B3GALNT2: variants seen among roughly 807,000 people sequenced by gnomAD.
The protein encoded by B3GALNT2 is beta-1,3-N-acetylgalactosaminyltransferase 2.
B3GALNT2 carries 53 observed loss-of-function variants against 61.1 expected under a neutral mutation model. That is an observed-to-expected ratio of 0.87 (90% CI 0.70 to 1.09). The LOEUF is 1.09. Among genes scored for constraint, B3GALNT2 ranks in the 50% least tolerant of loss-of-function variants. The pLI is 0.00. For synonymous variants in B3GALNT2, 223 were observed against 237.4 expected (o/e 0.94, Z 0.56); for missense variants, 544 against 623.0 (o/e 0.87, Z 1.35).
At position 235,448,738 on chromosome 1, in the gene B3GALNT2, A is replaced by G; in HGVS notation, c.*1468T>C. The G allele has an allele frequency of 1.2e-6, 2 of 1,613,844 alleles. No homozygotes were observed. Among genetic ancestry groups the G allele is most frequent in the South Asian group, 1.1e-5 (1 of 91,070 alleles). On this transcript the variant is annotated 3_prime_UTR_variant, in exon 12 of 12. Transcript: ENST00000366600. ...TACAGTTTTATTCTGTGGAAAATGG[A>G]GATTGTCTATTAGTGCGATGGTGAC...
Position 235,448,919 on chromosome 1 carries a change from A to C in B3GALNT2, c.*1287T>G. ...ATGTATTTTTTGTTGGGAAGTGACC[A>C]TTTCTAGGCTTATACATAATAGCAA... On this transcript the variant is annotated 3_prime_UTR_variant, in exon 12 of 12. Transcript: ENST00000366600. 1.5e-6 allele frequency: 1 copy of C among 649,402 alleles called. No homozygotes were observed. Among genetic ancestry groups the C allele is most frequent in the Admixed American group, 2.2e-5 (1 of 44,748 alleles). The allele number at this position is 649,402 out of a possible 1,614,324, so 40.2% of individuals were successfully genotyped here.
In B3GALNT2 at chr1:235,448,195, C is replaced by A. The variant is rs1048057256; in HGVS notation, c.*2011G>T. 2.4e-5 allele frequency among the ~76,000 whole-genome samples: 3 copies of A among 126,240 alleles called. No homozygotes were observed. The highest frequency in any genetic ancestry group is 4.7e-5 in the Non-Finnish European group (3 of 63,642). 82.8% of individuals were successfully genotyped at this position (126,240 alleles called of 152,430 possible). A position where few individuals can be genotyped will look rare whatever the true frequency, so the allele number is the denominator to read the frequency against. ...AGCCTGGGCGACAGAGCAAGACTTACTTAAGTAAGTAAGTAAGTCAGTCTC... is the reference window on the plus strand; with the variant it reads ...AGCCTGGGCGACAGAGCAAGACTTAATTAAGTAAGTAAGTAAGTCAGTCTC... On this transcript the variant is annotated 3_prime_UTR_variant, in exon 12 of 12. Coordinates refer to ENST00000366600, the MANE Select transcript of B3GALNT2 (RefSeq NM_152490.5).
At chr1:235,461,253 A>T (rs1342847870) in intron 7 of B3GALNT2, among the ~76,000 whole-genome samples, 1 of 152,122 alleles carries the variant, frequency 6.6e-6, no homozygotes, top group African/African-American at 2.4e-5. Context: ...TTGTCTCTAG[A>T]CCACAGCAGT....
chr1:235,479,895 G>C lies in B3GALNT2; in HGVS notation c.651+159C>G, dbSNP rs892742151. 5.5e-6 allele frequency: 7 copies of C among 1,267,744 alleles called. No homozygotes were observed. The South Asian group carries it at 1.3e-4, about 23-fold the overall frequency. 78.5% of individuals were successfully genotyped at this position (1,267,744 alleles called of 1,614,324 possible). A position where few individuals can be genotyped will look rare whatever the true frequency, so the allele number is the denominator to read the frequency against. The stretch of plus-strand genomic sequence containing the variant: ...GAAGTCCTCAGGAGGTTTGAATACA[G>C]AGTGCTATGTTTTAGCCCATCCACA... On this transcript the variant is annotated intron_variant, in intron 5 of 11. Transcript: ENST00000366600.
chr1:235,450,839 G>A (rs1682853708), intron 11 of B3GALNT2: 1 of 153,092 alleles, frequency 6.5e-6, no homozygotes, highest in Non-Finnish European at 1.5e-5. Flanking sequence ...AGGTCACAGG[G>A]CTGGTAAATG....
At position 235,498,327 on chromosome 1, in the gene B3GALNT2, G is replaced by A. The variant is rs1685422477; in HGVS notation, c.113-3499C>T. On this transcript the variant is annotated intron_variant, in intron 1 of 11. Coordinates refer to ENST00000366600, the MANE Select transcript of B3GALNT2 (RefSeq NM_152490.5). ...CAGAGGGAAAAAAAGAAAGTGGTAA[G>A]AAGTAAACATGATACAGAAGGACAT... Among the ~76,000 whole-genome samples, 3 of 152,114 alleles carry A rather than the reference G, an allele frequency of 2.0e-5. No homozygotes were observed. In the South Asian group the frequency reaches 6.2e-4, roughly 32 times the overall value.
intron 4 of B3GALNT2, among the ~76,000 whole-genome samples, chr1:235,483,374 A>G (rs1298349322): frequency 6.6e-6 from 1 of 152,216 alleles, no homozygotes; most frequent in Non-Finnish European, 1.5e-5. Context: ...AAAATCCCCC[A>G]AATTTGGTAA....
downstream of B3GALNT2, among the ~76,000 whole-genome samples, chr1:235,443,209 C>CA (rs1189572132): frequency 6.6e-6 from 1 of 151,516 alleles, no homozygotes; most frequent in Non-Finnish European, 1.5e-5. Context: ...CACACACACA[C>CA]AATTTTTTTT....
chr1:235,442,338 T>C (rs1681949416), downstream of B3GALNT2, among the ~76,000 whole-genome samples: 2 of 152,128 alleles, frequency 1.3e-5, no homozygotes, highest in South Asian at 4.1e-4. Context: ...ACCCAGTTAA[T>C]TTTGTATTTT....
At chr1:235,467,576 G>A (rs779699120) in intron 6 of B3GALNT2, among the ~76,000 whole-genome samples, 5 of 141,146 alleles carry the variant, frequency 3.5e-5, no homozygotes, top group East Asian at 2.2e-4. Flanking sequence ...CATCTGCCTC[G>A]GGGGTTCAAG....
At chr1:235,480,497 G>A (rs889725286) in intron 4 of B3GALNT2, among the ~76,000 whole-genome samples, 1 of 151,906 alleles carries the variant, frequency 6.6e-6, no homozygotes, top group Non-Finnish European at 1.5e-5. Flanking sequence ...TCCCCCAAAG[G>A]GTTAAAACTA....
At chr1:235,469,859 G>A (rs765418825) in intron 6 of B3GALNT2, among the ~76,000 whole-genome samples, 6 of 151,530 alleles carry the variant, frequency 4.0e-5, no homozygotes, top group Admixed American at 3.3e-4. Context: ...AGCACACCCC[G>A]CCTTATTTTC....
At chr1:235,467,280 A>C (rs568473279) in intron 6 of B3GALNT2, among the ~76,000 whole-genome samples, 3 of 152,004 alleles carry the variant, frequency 2.0e-5, no homozygotes, top group Non-Finnish European at 4.4e-5. Flanking sequence ...ACCTGGGAGA[A>C]GGAGATTGCA....
At chr1:235,480,528 T>C (rs1352453222) in intron 4 of B3GALNT2, among the ~76,000 whole-genome samples, 3 of 152,110 alleles carry the variant, frequency 2.0e-5, no homozygotes, top group Non-Finnish European at 4.4e-5. Context: ...CACAGATTTT[T>C]ACTGGGAACA....
rs2102815692 is a variant in B3GALNT2 at position 235,471,022 on chromosome 1, T to C, written c.652-62A>G. The C allele has an allele frequency of 3.2e-6, 5 of 1,575,496 alleles. No homozygotes were observed. The South Asian group carries it at 5.8e-5, about 18-fold the overall frequency. ...ATTGCTGTCATTTAGGTTTTAAGTATGCTTTCAGGCAAGATTTTTAGAGAA... is the reference window on the plus strand; with the variant it reads ...ATTGCTGTCATTTAGGTTTTAAGTACGCTTTCAGGCAAGATTTTTAGAGAA... On this transcript the variant is annotated intron_variant, in intron 5 of 11. Transcript: ENST00000366600.
chr1:235,441,756 T>TTTTTATA, the B3GALNT2 span: 1 of 1,511,420 alleles, frequency 6.6e-7, no homozygotes, highest in African/African-American at 1.4e-5. Context: ...TTGTTTGTTT[T>TTTTTATA]GTTTTTACTT....
intron 10 of B3GALNT2, 110 bp from the exon 11 acceptor site, chr1:235,453,256 G>A: frequency 9.0e-7 from 1 of 1,107,568 alleles, no homozygotes; most frequent in Admixed American, 2.1e-5. Context: ...TTTTTGCTCT[G>A]TTATTATTCT....
intron 8 of B3GALNT2, among the ~76,000 whole-genome samples, chr1:235,456,296 T>C (rs1287879435): frequency 6.6e-6 from 1 of 152,216 alleles, no homozygotes; most frequent in East Asian, 1.9e-4. Flanking sequence ...TATATAATCA[T>C]GACTAAAGAC....
chr1:235,488,725 G>T lies in B3GALNT2; in HGVS notation c.361+443C>A, dbSNP rs1169026428. Among the ~76,000 whole-genome samples, 396 of 113,950 alleles carry T rather than the reference G, an allele frequency of 3.5e-3. 11 individuals are homozygous for T. The highest frequency in any genetic ancestry group is 0.013 in the African/African-American group (377 of 29,578). The allele number at this position is 113,950 out of a possible 152,430, so 74.8% of individuals were successfully genotyped here. Reference sequence around the variant, plus strand: ...AAAAAAAAAAAAAAAAAAAAAAGATGAGACATAAATTTGGATGAAAGACAT... The same window carrying T: ...AAAAAAAAAAAAAAAAAAAAAAGATTAGACATAAATTTGGATGAAAGACAT... On this transcript the variant is annotated intron_variant, in intron 3 of 11. Transcript: ENST00000366600.
Sources: allele counts gnomAD v4.1 joint callset (sites outside exome capture counted in the v4.1 genomes callset), GRCh38; gene constraint gnomAD v4.1.1; transcripts MANE v1.5; gene names NCBI Gene and HGNC (gene_info 2026-07-23, HGNC 2026-07-21).